Variants in FAXDC2 observed in about 807,000 individuals in gnomAD.
FAXDC2 encodes the protein fatty acid hydroxylase domain containing 2.
Under a neutral mutation model 40.9 loss-of-function variants are expected in FAXDC2, and 41 were observed. That is an observed-to-expected ratio of 1.00 (90% CI 0.78 to 1.30). FAXDC2 has a LOEUF of 1.30. FAXDC2 is among the 50% of genes most tolerant of loss of function. The pLI is 0.00. For missense variants in FAXDC2, 390 were observed against 408.8 expected (o/e 0.95, Z 0.40); for synonymous variants, 157 against 149.3 (o/e 1.05, Z -0.38).
intron 4 of FAXDC2, among the ~76,000 whole-genome samples, chr5:154,833,435 T>A (rs1760242186): frequency 1.3e-5 from 2 of 149,764 alleles, no homozygotes; most frequent in African/African-American, 4.9e-5. Flanking sequence ...AACCTCTGCC[T>A]CCCAGGTTCA....
intron 1 of FAXDC2, among the ~76,000 whole-genome samples, chr5:154,843,196 T>C (rs1192988004): frequency 1.3e-5 from 2 of 152,206 alleles, no homozygotes; most frequent in Non-Finnish European, 2.9e-5. Context: ...GGTTTGTTTG[T>C]TTGCTTTTCA....
intron 5 of FAXDC2, chr5:154,824,267 C>T (rs1759965080): frequency 1.8e-6 from 1 of 567,464 alleles, no homozygotes; most frequent in Non-Finnish European, 3.1e-6. Flanking sequence ...CCCCCAGAAT[C>T]AGCAACCCTT....
chr5:154,821,138 C>G lies in FAXDC2; in HGVS notation c.845+122G>C, dbSNP rs142330446. The G allele has an allele frequency of 3.2e-5, 27 of 847,674 alleles. No homozygotes were observed. The East Asian group carries it at 6.2e-4, about 20-fold the overall frequency. The allele number at this position is 847,674 out of a possible 1,614,324, so 52.5% of individuals were successfully genotyped here. On this transcript the variant is annotated intron_variant, in intron 8 of 8. Transcript: ENST00000326080. ...CCAGTGTGGTTATTTTCCCAGCCAT[C>G]AGACCTCTTCCCCAACTAGCACTCA...
chr5:154,839,338 A>G (rs1030192159), intron 1 of FAXDC2, among the ~76,000 whole-genome samples: 40 of 151,822 alleles, frequency 2.6e-4, no homozygotes, highest in African/African-American at 6.0e-4. Context: ...AAAAAAAAAA[A>G]AAAAGAAAAG....
rs1759812370 is a variant in FAXDC2, at chr5:154,819,201, C to G, written c.*1115G>C. On this transcript the variant is annotated 3_prime_UTR_variant, in exon 9 of 9. Coordinates refer to ENST00000326080, the MANE Select transcript of FAXDC2 (RefSeq NM_032385.5). ...AAATGATAATGGTGGTCTTTCAAAT[C>G]AAAGAGTGATCTTTAAATTGTTCTT... 1.3e-5 allele frequency: 2 copies of G among 152,206 alleles called. No individual in the cohort carries two copies. Among genetic ancestry groups the G allele is most frequent in the African/African-American group, 4.8e-5 (2 of 41,450 alleles). 9.4% of individuals were successfully genotyped at this position (152,206 alleles called of 1,614,324 possible). A position where few individuals can be genotyped will look rare whatever the true frequency, so the allele number is the denominator to read the frequency against.
chr5:154,836,742 C>G (rs940666245), intron 2 of FAXDC2, among the ~76,000 whole-genome samples: 1 of 152,090 alleles, frequency 6.6e-6, no homozygotes, highest in African/African-American at 2.4e-5. Flanking sequence ...TCTCCACCTT[C>G]CAAGTTCAAG....
chr5:154,844,094 C>G (rs1449329598), intron 1 of FAXDC2, among the ~76,000 whole-genome samples: 1 of 152,038 alleles, frequency 6.6e-6, no homozygotes, highest in Admixed American at 6.6e-5. Flanking sequence ...TGGCGGGTGC[C>G]TGTAATCCCA....
chr5:154,826,536 A>G lies in FAXDC2; in HGVS notation c.367-2944T>C, dbSNP rs538792874. ...AGAGCAAGACTGTCTCTAAAAAAAA[A>G]AAAAAAAAAAGAAAAGAAAATATTG... On this transcript the variant is annotated intron_variant, in intron 5 of 8. Transcript: ENST00000326080. Among the ~76,000 whole-genome samples, 248 of 151,878 alleles carry G rather than the reference A, an allele frequency of 1.6e-3. 1 individual carries two copies. The highest frequency in any genetic ancestry group is 2.3e-3 in the Non-Finnish European group (154 of 67,932).
chr5:154,832,057 C>T (rs992420756), intron 4 of FAXDC2, among the ~76,000 whole-genome samples: 3 of 152,100 alleles, frequency 2.0e-5, no homozygotes, highest in African/African-American at 7.2e-5. Context: ...TAGTTGGTAT[C>T]TCATAAGTAC....
At chr5:154,848,795 C>T (rs555304587) in intron 1 of FAXDC2, among the ~76,000 whole-genome samples, 4 of 151,128 alleles carry the variant, frequency 2.6e-5, no homozygotes, top group East Asian at 1.9e-4. Context: ...GGCGAAACTC[C>T]GTCTCTACTA....
At chr5:154,842,519 T>G (rs1219101146) in intron 1 of FAXDC2, among the ~76,000 whole-genome samples, 22 of 109,128 alleles carry the variant, frequency 2.0e-4, no homozygotes, top group African/African-American at 8.2e-4. Flanking sequence ...TGTGTTTTTT[T>G]TTTTTTTTTT....
chr5:154,827,450 T>TGTGTGTGTGTGC (rs1760068909), intron 5 of FAXDC2, among the ~76,000 whole-genome samples: 1 of 151,702 alleles, frequency 6.6e-6, no homozygotes, highest in Non-Finnish European at 1.5e-5. Flanking sequence ...TGTGTGTGTG[T>TGTGTGTGTGTGC]GTGTGTGTGT....
intron 1 of FAXDC2, among the ~76,000 whole-genome samples, chr5:154,841,799 G>T (rs1272399584): frequency 1.3e-5 from 2 of 150,666 alleles, no homozygotes; most frequent in Admixed American, 6.6e-5. Flanking sequence ...GCAGTGGCAC[G>T]ATCTCAGCTC....
intron 5 of FAXDC2, chr5:154,830,567 CTG>C (rs1760162942): frequency 2.3e-6 from 1 of 435,418 alleles, no homozygotes; most frequent in African/African-American, 2.0e-5. Context: ...GGTCCAGAGC[CTG>C]GGCCAGGAAT....
Position 154,819,205 on chromosome 5 carries a change from G to C in FAXDC2, c.*1111C>G, listed in dbSNP as rs1258734962. 6.6e-6 allele frequency: 1 copy of C among 152,218 alleles called. No individual in the cohort carries two copies. Among genetic ancestry groups the C allele is most frequent in the African/African-American group, 2.4e-5 (1 of 41,446 alleles). The allele number at this position is 152,218 out of a possible 1,614,324, so 9.4% of individuals were successfully genotyped here. ...GATAATGGTGGTCTTTCAAATCAAAGAGTGATCTTTAAATTGTTCTTGGGA... is the reference window on the plus strand; with the variant it reads ...GATAATGGTGGTCTTTCAAATCAAACAGTGATCTTTAAATTGTTCTTGGGA... On this transcript the variant is annotated 3_prime_UTR_variant, in exon 9 of 9. Transcript: ENST00000326080.
chr5:154,835,449 A>G (rs1179182415), intron 2 of FAXDC2, among the ~76,000 whole-genome samples: 1 of 152,238 alleles, frequency 6.6e-6, no homozygotes, highest in Non-Finnish European at 1.5e-5. Flanking sequence ...GCATCTGCCA[A>G]AACCATGATG....
chr5:154,830,012 G>A (rs907762859), intron 5 of FAXDC2, among the ~76,000 whole-genome samples: 1 of 152,198 alleles, frequency 6.6e-6, no homozygotes, highest in Non-Finnish European at 1.5e-5. Flanking sequence ...TTGCCTTTCT[G>A]GAGTGCTGGG....
chr5:154,845,748 G>T (rs1760584111), intron 1 of FAXDC2, among the ~76,000 whole-genome samples: 1 of 149,928 alleles, frequency 6.7e-6, no homozygotes, highest in Non-Finnish European at 1.5e-5. Context: ...AAGAAACAGA[G>T]GTGCAGAGGT....
Position 154,820,323 on chromosome 5 carries a change from A to T in FAXDC2, c.995T>A (p.Met332Lys). 6.2e-7 allele frequency: 1 copy of T among 1,608,306 alleles called. No individual in the cohort carries two copies. Among genetic ancestry groups the T allele is most frequent in the Non-Finnish European group, 8.5e-7 (1 of 1,177,160 alleles). ...TGACACTTAGGCTGTCTCTCACTCC[A>T]TCCTCTTTGGGGAGTCTGGGATGCT... ...SESIPDSPKR[M>K]E Residue 332 changes from methionine to lysine, a missense_variant, in exon 9 of 9, where the codon ATG (methionine) becomes AAG (lysine). Physicochemically the swap from Met to Lys is moderately conservative, Grantham distance 95. Coordinates refer to ENST00000326080, the MANE Select transcript of FAXDC2 (RefSeq NM_032385.5).
Sources: allele counts gnomAD v4.1 joint callset (sites outside exome capture counted in the v4.1 genomes callset), GRCh38; gene constraint gnomAD v4.1.1; transcripts MANE v1.5; gene names NCBI Gene and HGNC (gene_info 2026-07-23, HGNC 2026-07-21).